ODR4: variants seen among roughly 807,000 people sequenced by gnomAD.
The protein encoded by ODR4 is protein odr-4 homolog.
Under a neutral mutation model 60.2 loss-of-function variants are expected in ODR4, and 47 were observed. The ratio of observed to expected loss-of-function variants is 0.78; its 90% CI spans 0.62 to 1.00. ODR4 has a LOEUF of 1.00. ODR4 is among the 50% of genes least tolerant of loss of function. The probability of loss-of-function intolerance (pLI) is 0.00; values close to 1 mark genes in which losing one functional copy is unlikely to be tolerated. For missense variants in ODR4, 488 were observed against 530.8 expected (o/e 0.92, Z 0.79); for synonymous variants, 178 against 175.5 (o/e 1.01, Z -0.11).
At chr1:186,422,825 T>C (rs1661816750), downstream of ODR4, among the ~76,000 whole-genome samples, 1 of 151,940 alleles carries the variant, frequency 6.6e-6, no homozygotes, top group Non-Finnish European at 1.5e-5. Context: ...AGCAAGGAAA[T>C]ACAGGAAAGG....
rs778297237 is a variant in ODR4, at chr1:186,379,779, C to T, written c.-7C>T. On this transcript the variant is annotated 5_prime_UTR_variant, in exon 2 of 14. Coordinates refer to ENST00000287859, the MANE Select transcript of ODR4 (RefSeq NM_017847.6). The stretch of plus-strand genomic sequence containing the variant: ...TCTTGTGATATAGGAGATTTTAGTT[C>T]CTAAAAATGGGAAGAACCTACATTG... The T allele has an allele frequency of 2.6e-6, 4 of 1,547,442 alleles. No individual in the cohort carries two copies. The highest frequency in any genetic ancestry group is 2.1e-5 in the Admixed American group (1 of 47,992).
intron 9 of ODR4, among the ~76,000 whole-genome samples, chr1:186,396,471 T>C (rs911673568): frequency 6.6e-6 from 1 of 151,342 alleles, no homozygotes; most frequent in Admixed American, 6.6e-5. Context: ...TAGCTGGGGG[T>C]GATGGTGTGT....
chr1:186,422,134 T>G (rs1661800180), downstream of ODR4, among the ~76,000 whole-genome samples: 2 of 151,556 alleles, frequency 1.3e-5, no homozygotes, highest in Non-Finnish European at 2.9e-5. Flanking sequence ...CATGGGGAGG[T>G]TGAAAGTAAA....
intron 1 of ODR4, among the ~76,000 whole-genome samples, chr1:186,379,061 C>T (rs753358165): frequency 2.0e-5 from 3 of 152,126 alleles, no homozygotes; most frequent in Non-Finnish European, 2.9e-5. Flanking sequence ...TTCAGAAATT[C>T]ATGTTTACGA....
intron 12 of ODR4, among the ~76,000 whole-genome samples, chr1:186,410,055 T>A (rs1283158962): frequency 6.6e-6 from 1 of 152,186 alleles, no homozygotes; most frequent in African/African-American, 2.4e-5. Flanking sequence ...TTTTTGAGAG[T>A]AAGTAGAGTA....
intron 6 of ODR4, among the ~76,000 whole-genome samples, 151 bp downstream of exon 6, chr1:186,389,775 T>G (rs1660390121): frequency 6.6e-6 from 1 of 152,162 alleles, no homozygotes; most frequent in Non-Finnish European, 1.5e-5. Context: ...TATGATTAAT[T>G]TTATTACAGA....
intron 12 of ODR4, among the ~76,000 whole-genome samples, chr1:186,407,032 G>A (rs1300906779): frequency 3.3e-5 from 5 of 152,090 alleles, no homozygotes; most frequent in African/African-American, 1.2e-4. Flanking sequence ...AGTGAGTCAA[G>A]TAAGTATTTG....
intron 9 of ODR4, among the ~76,000 whole-genome samples, chr1:186,396,454 C>G (rs1558076323): frequency 6.6e-6 from 1 of 151,918 alleles, no homozygotes; most frequent in Admixed American, 6.6e-5. Flanking sequence ...CAAAAAAATA[C>G]AAAAATTAGC....
At chr1:186,394,042 A>G (rs1660574718) in intron 9 of ODR4, 27 bp downstream of exon 9, 2 of 1,179,878 alleles carry the variant, frequency 1.7e-6, no homozygotes, top group South Asian at 2.8e-5. Flanking sequence ...AACACTTAAA[A>G]TATTTATTAG....
chr1:186,419,446 A>T lies in ODR4; in HGVS notation c.*370A>T. ...CTTTAACAGAGGCATGATGGCTCAC[A>T]CGTATAATCCTAATGCTTTGAGAGG... is the stretch of plus-strand genomic sequence containing the variant. On this transcript the variant is annotated 3_prime_UTR_variant, in exon 14 of 14. Transcript: ENST00000287859. 1 of 226,144 alleles carries T rather than the reference A, an allele frequency of 4.4e-6. No homozygotes were observed. The highest frequency in any genetic ancestry group is 8.9e-6 in the Non-Finnish European group (1 of 112,660). 14.0% of individuals were successfully genotyped at this position (226,144 alleles called of 1,614,324 possible).
At chr1:186,397,762 A>AAAC (rs1211966636) in intron 9 of ODR4, among the ~76,000 whole-genome samples, 5 of 152,312 alleles carry the variant, frequency 3.3e-5, no homozygotes, top group African/African-American at 1.2e-4. Flanking sequence ...AATATATGTG[A>AAAC]AACACCTGAA....
the ODR4 span, among the ~76,000 whole-genome samples, chr1:186,426,618 AAC>A: frequency 1.3e-5 from 2 of 152,210 alleles, no homozygotes; most frequent in African/African-American, 2.4e-5. Context: ...GGTCAAAGCA[AAC>A]ACAGATCCAG....
chr1:186,415,329 A>G (rs1661523109), intron 12 of ODR4, among the ~76,000 whole-genome samples: 1 of 152,128 alleles, frequency 6.6e-6, no homozygotes, highest in Admixed American at 6.6e-5. Context: ...TTTATATGTC[A>G]TTCTTTTGAG....
chr1:186,423,858 GTGAT>G (rs1490798791), downstream of ODR4, among the ~76,000 whole-genome samples: 1 of 152,162 alleles, frequency 6.6e-6, no homozygotes, highest in Non-Finnish European at 1.5e-5. Context: ...TACCTTGTAA[GTGAT>G]TGGCTAATTA....
intron 12 of ODR4, among the ~76,000 whole-genome samples, chr1:186,408,482 ATTAT>A (rs1333517024): frequency 6.6e-6 from 1 of 150,760 alleles, no homozygotes. Flanking sequence ...CTTGGATCTC[ATTAT>A]TTATGTTTAT....
the ODR4 span, among the ~76,000 whole-genome samples, chr1:186,434,944 G>T: frequency 2.6e-5 from 4 of 152,276 alleles, no homozygotes; most frequent in South Asian, 8.3e-4. Context: ...ATTCAAGCTA[G>T]TCTGTGTTCA....
chr1:186,431,314 G>T, the ODR4 span, among the ~76,000 whole-genome samples: 1 of 152,142 alleles, frequency 6.6e-6, no homozygotes, highest in Non-Finnish European at 1.5e-5. Context: ...AAGAAAAATC[G>T]TGGAATTGCC....
chr1:186,379,853 A>C lies in ODR4; in HGVS notation c.68A>C (p.Lys23Thr), dbSNP rs1659958615. ...QYLSNINLQGKAFVSGLLIGQ... is the reference protein window; with the variant it reads ...QYLSNINLQGTAFVSGLLIGQ... ...CTTTCAAACATAAATCTCCAAGGAAAGGCTTTTGTCTCTGGCCTTTTAATA... is the reference window on the plus strand; with the variant it reads ...CTTTCAAACATAAATCTCCAAGGAACGGCTTTTGTCTCTGGCCTTTTAATA... The change falls in exon 2 of 14, where the codon AAG (lysine) becomes ACG (threonine). Residue 23 changes from lysine to threonine, a missense_variant. Coordinates refer to ENST00000287859, the MANE Select transcript of ODR4 (RefSeq NM_017847.6). 2 of 1,608,854 alleles carry C rather than the reference A, an allele frequency of 1.2e-6. No individual in the cohort carries two copies. The highest frequency in any genetic ancestry group is 1.3e-5 in the African/African-American group (1 of 74,702).
At chr1:186,404,591 C>T (rs1469263065) in intron 11 of ODR4, among the ~76,000 whole-genome samples, 4 of 152,154 alleles carry the variant, frequency 2.6e-5, no homozygotes, top group African/African-American at 9.7e-5. Flanking sequence ...GGACAATTTT[C>T]GTGCTACAGT....
Sources: gnomAD v4.1 joint callset for allele counts (sites outside exome capture counted in the v4.1 genomes callset) on GRCh38, gnomAD v4.1.1 for gene constraint, MANE v1.5 for transcripts, NCBI Gene and HGNC (gene_info 2026-07-23, HGNC 2026-07-21) for gene names.